Variants in POLR2C observed in about 807,000 individuals in gnomAD.
POLR2C encodes the protein RNA polymerase II subunit C.
A neutral mutation model predicts 41.7 loss-of-function variants in POLR2C; 36 were observed. The observed-to-expected ratio is 0.86, with a 90% CI of 0.66 to 1.14. The LOEUF is 1.14. Ranked by LOEUF, POLR2C falls within the 50% of genes most tolerant of loss-of-function variation. The probability of loss-of-function intolerance (pLI) is 0.00; values close to 1 mark genes in which losing one functional copy is unlikely to be tolerated. For missense variants in POLR2C, 260 were observed against 350.4 expected, an observed-to-expected ratio of 0.74 and a Z score of 2.06; for synonymous variants, 133 against 137.8, an observed-to-expected ratio of 0.96 and a Z score of 0.25.
In POLR2C at chr16:57,471,027, C is replaced by A; in HGVS notation, c.736C>A (p.Leu246Met). The A allele has an allele frequency of 6.2e-7, 1 of 1,613,584 alleles. No homozygotes were observed. Among genetic ancestry groups the A allele is most frequent in the South Asian group, 1.1e-5 (1 of 91,070 alleles). ...CGSLRPETIVLSALSGLKKKL... is the reference protein window; with the variant it reads ...CGSLRPETIVMSALSGLKKKL... ...CTCTCTGCGTCCTGAAACCATTGTC[C>A]TGTCAGCCCTCTCAGGATTGAAGAA... Residue 246 changes from leucine to methionine, a missense_variant, in exon 9 of 9, where the codon CTG becomes ATG. Physicochemically the swap from Leu to Met is conservative, Grantham distance 15. Transcript: ENST00000219252.
chr16:57,466,182 T>G lies in POLR2C; in HGVS notation c.213T>G (p.Ile71Met). 6.2e-7 allele frequency: 1 copy of G among 1,602,842 alleles called. No homozygotes were observed. The highest frequency in any genetic ancestry group is 2.2e-5 in the East Asian group (1 of 44,812). ...DEFIAHRLGL[I>M]PLISDDIVDK... ...CTTTTCTGTTTTTTACAGGATTAATTCCCCTCATTAGTGATGACATTGTGG... is the reference window on the plus strand; with the variant it reads ...CTTTTCTGTTTTTTACAGGATTAATGCCCCTCATTAGTGATGACATTGTGG... Residue 71 changes from isoleucine (I) to methionine (M), a missense_variant, in exon 4 of 9, where the codon ATT (isoleucine) becomes ATG (methionine). Physicochemically the swap from Ile to Met is conservative, Grantham distance 10 (BLOSUM62 1). Transcript: ENST00000219252.
chr16:57,466,431 G>C (rs2030710676), intron 4 of POLR2C, among the ~76,000 whole-genome samples: 1 of 152,212 alleles, frequency 6.6e-6, no homozygotes. Context: ...ACATCAGGGA[G>C]TGTTGTTAGG....
chr16:57,466,516 G>T (rs2030712431), intron 4 of POLR2C, among the ~76,000 whole-genome samples: 1 of 152,134 alleles, frequency 6.6e-6, no homozygotes, highest in Non-Finnish European at 1.5e-5. Flanking sequence ...CAGTAGCAGG[G>T]GCCTTAGGAT....
chr16:57,466,472 G>C (rs1347672210), intron 4 of POLR2C, among the ~76,000 whole-genome samples: 1 of 152,214 alleles, frequency 6.6e-6, no homozygotes, highest in Admixed American at 6.5e-5. Flanking sequence ...TTTATACTTA[G>C]AGTGGAGGTT....
chr16:57,468,326 A>ATTTC (rs2030754921), intron 4 of POLR2C, among the ~76,000 whole-genome samples: 1 of 152,158 alleles, frequency 6.6e-6, no homozygotes, highest in African/African-American at 2.4e-5. Flanking sequence ...CCCATTTCAT[A>ATTTC]TTTCTAAAAG....
rs1300842081 is a variant in POLR2C, at chr16:57,462,793, C to T, written c.69C>T (p.Ile23=). The change falls in exon 1 of 9, where the codon ATC becomes ATT. Residue 23 remains isoleucine, a synonymous_variant. Coordinates refer to ENST00000219252, the MANE Select transcript of POLR2C (RefSeq NM_032940.3). The stretch of plus-strand genomic sequence containing the variant: ...CTGACGAGAATGTCAAGTTCATCAT[C>T]GAGAACACCGACCTGGCGTAAGGCT... ...ELTDENVKFI[I]ENTDLAVANS... 2 of 1,607,944 alleles carry T rather than the reference C, an allele frequency of 1.2e-6. No individual in the cohort carries two copies. The highest frequency in any genetic ancestry group is 1.3e-5 in the African/African-American group (1 of 74,728).
At chr16:57,462,951 A>G in intron 1 of POLR2C, 78 bp from the exon 2 acceptor site, 1 of 1,296,286 alleles carries the variant, frequency 7.7e-7, no homozygotes, top group Non-Finnish European at 1.1e-6. Flanking sequence ...CCAGGGCTTT[A>G]GCTTTGGGAG....
intron 2 of POLR2C, among the ~76,000 whole-genome samples, chr16:57,465,401 C>A (rs2030681444): frequency 6.6e-6 from 1 of 152,186 alleles, no homozygotes; most frequent in Non-Finnish European, 1.5e-5. Context: ...CAGTCTTTAC[C>A]CTCCTACGAG....
chr16:57,466,132 T>A, intron 3 of POLR2C, 43 bp from the exon 4 acceptor site: 2 of 1,538,826 alleles, frequency 1.3e-6, no homozygotes, highest in Non-Finnish European at 1.8e-6. Flanking sequence ...CATTTTGGCT[T>A]GGCTGTTTGG....
At position 57,471,436 on chromosome 16, in the gene POLR2C, A is replaced by G. The variant is rs564070546; in HGVS notation, c.*317A>G. On this transcript the variant is annotated 3_prime_UTR_variant, in exon 9 of 9. Coordinates refer to ENST00000219252, the MANE Select transcript of POLR2C (RefSeq NM_032940.3). The stretch of plus-strand genomic sequence containing the variant: ...ACTAGACTTCTCTCCTGGTTAGTCC[A>G]GCTCTTTACTCTAAACCCTTTCTGT... The G allele has an allele frequency of 3.5e-6, 1 of 285,770 alleles. No individual in the cohort carries two copies. The highest frequency in any genetic ancestry group is 7.2e-5 in the East Asian group (1 of 13,912). The allele number at this position is 285,770 out of a possible 1,614,324, so 17.7% of individuals were successfully genotyped here.
chr16:57,463,282 C>T, intron 2 of POLR2C: 2 of 624,224 alleles, frequency 3.2e-6, no homozygotes, highest in Non-Finnish European at 2.9e-6. Context: ...TTAGGTCCAC[C>T]CTTGTCCTGG....
At chr16:57,463,126 G>T (rs1403216541) in intron 2 of POLR2C, 48 bp downstream of exon 2, 1 of 1,423,358 alleles carries the variant, frequency 7.0e-7, no homozygotes. Flanking sequence ...TTCCTGCCCC[G>T]CTCTCCACCC....
rs746083229 is a variant in POLR2C, at chr16:57,464,033, C to CT, written c.136+957dup. 1.5e-3 allele frequency: 231 copies of CT among 158,530 alleles called. 2 individuals are homozygous for CT. Among genetic ancestry groups the CT allele is most frequent in the South Asian group, 1.1e-3 (7 of 6,558 alleles). 9.8% of individuals were successfully genotyped at this position (158,530 alleles called of 1,614,324 possible). A position where few individuals can be genotyped will look rare whatever the true frequency, so the allele number is the denominator to read the frequency against. ...TTCGTTCGTTCTTATGGCTGCATCA[C>CT]TTACTGCTTTTGTGAAACTTGGGCA... On this transcript the variant is annotated intron_variant, in intron 2 of 8. Transcript: ENST00000219252.
In POLR2C at chr16:57,463,619, G is replaced by A. The variant is rs901836887; in HGVS notation, c.136+541G>A. 41 of 454,042 alleles carry A rather than the reference G, an allele frequency of 9.0e-5. No individual in the cohort carries two copies. The Admixed American group carries it at 9.2e-4, about 10-fold the overall frequency. The allele number at this position is 454,042 out of a possible 1,614,324, so 28.1% of individuals were successfully genotyped here. On this transcript the variant is annotated intron_variant, in intron 2 of 8. Coordinates refer to ENST00000219252, the MANE Select transcript of POLR2C (RefSeq NM_032940.3). ...GCGTACCCAGTTTTAGCTCCCATGC[G>A]GTGTTTGGTTTTCTGTTCCTGTGTT...
At chr16:57,463,142 C>T (rs1167742844) in intron 2 of POLR2C, 64 bp downstream of exon 2, 18 of 1,232,680 alleles carry the variant, frequency 1.5e-5, no homozygotes, top group Non-Finnish European at 2.2e-5. Flanking sequence ...CACCCACACA[C>T]TCTTTGGGGC....
At chr16:57,470,483 C>T in intron 8 of POLR2C, 129 bp downstream of exon 8, 1 of 682,280 alleles carries the variant, frequency 1.5e-6, no homozygotes, top group Non-Finnish European at 2.5e-6. Flanking sequence ...CTGCTGACTG[C>T]TAAACTAGAC....
At chr16:57,470,586 G>C (rs931917474) in intron 8 of POLR2C, among the ~76,000 whole-genome samples, 3 of 152,294 alleles carry the variant, frequency 2.0e-5, no homozygotes, top group South Asian at 4.1e-4. Flanking sequence ...TTCCTGTTCT[G>C]ATTTTCAGCC....
In POLR2C at chr16:57,469,785, G is replaced by C. The variant is rs202035830; in HGVS notation, c.439+24G>C. 15 of 1,607,212 alleles carry C rather than the reference G, an allele frequency of 9.3e-6. No individual in the cohort carries two copies. Among genetic ancestry groups the C allele is most frequent in the Non-Finnish European group, 1.3e-5 (15 of 1,175,092 alleles). On this transcript the variant is annotated intron_variant, in intron 6 of 8. Transcript: ENST00000219252. This position sits in a 1 kb window ranked among gnomAD's most constrained non-coding sequence, Gnocchi z 5.8. ...TGGTAAGTCTTCCTGACCTGTCACC[G>C]TGTGGGCCAGCGGGAAGGAGGGACC...
At chr16:57,466,097 C>T (rs2030703106) in intron 3 of POLR2C, 76 bp downstream of exon 3, 10 of 1,430,162 alleles carry the variant, frequency 7.0e-6, no homozygotes, top group Middle Eastern at 1.7e-4. Flanking sequence ...CTTCCAGCCT[C>T]ACCCCCAGAA....
Sources: allele counts gnomAD v4.1 joint callset (sites outside exome capture counted in the v4.1 genomes callset), GRCh38; gene constraint gnomAD v4.1.1; non-coding constraint Gnocchi (gnomAD v3.1); transcripts MANE v1.5; gene names NCBI Gene and HGNC (gene_info 2026-07-23, HGNC 2026-07-21).